SYTL2: variants seen among roughly 807,000 people sequenced by gnomAD.
SYTL2 encodes synaptotagmin-like protein 2.
In SYTL2, 165 loss-of-function variants were observed where a neutral mutation model predicts 198.7. The ratio of observed to expected loss-of-function variants is 0.83; its 90% CI spans 0.73 to 0.94. The LOEUF (loss-of-function observed/expected upper bound fraction) is 0.94, where lower values mean the gene tolerates loss of function less well. Ranked by LOEUF, SYTL2 falls within the 40% of genes least tolerant of loss-of-function variation. The probability of loss-of-function intolerance (pLI) is 0.00; values close to 1 mark genes in which losing one functional copy is unlikely to be tolerated. For synonymous variants in SYTL2, 966 were observed against 917.7 expected, an observed-to-expected ratio of 1.05 and a Z score of -0.95; for missense variants, 2,835 against 2,582.8, an observed-to-expected ratio of 1.10 and a Z score of -2.12.
chr11:85,713,812 T>C lies in SYTL2; in HGVS notation c.5625+601A>G, dbSNP rs528892244. ...TCTTAAGACCGTACAGTATATAGTATAGTCATTAACAGCAGGCAACTTGGA... is the reference window on the plus strand; with the variant it reads ...TCTTAAGACCGTACAGTATATAGTACAGTCATTAACAGCAGGCAACTTGGA... On this transcript the variant is annotated intron_variant, in intron 12 of 19. Coordinates refer to ENST00000359152, the MANE Select transcript of SYTL2 (RefSeq NM_206927.4). 4.6e-5 allele frequency among the ~76,000 whole-genome samples: 7 copies of C among 152,340 alleles called. No individual in the cohort carries two copies. The East Asian group carries it at 1.3e-3, about 29-fold the overall frequency.
upstream of SYTL2, among the ~76,000 whole-genome samples, chr11:85,813,011 G>A (rs754648427): frequency 6.6e-6 from 1 of 152,098 alleles, no homozygotes; most frequent in Admixed American, 6.5e-5. Context: ...GTATCATCTG[G>A]CATAGGACTT....
intron 16 of SYTL2, 84 bp downstream of exon 16, chr11:85,704,774 G>A: frequency 1.8e-6 from 2 of 1,125,994 alleles, no homozygotes; most frequent in Non-Finnish European, 2.6e-6. Context: ...TCTGTACTCT[G>A]AATTAAATGC....
chr11:85,701,374 G>C (rs777598410), intron 16 of SYTL2, among the ~76,000 whole-genome samples: 22 of 152,102 alleles, frequency 1.4e-4, no homozygotes, highest in Non-Finnish European at 3.2e-4. Context: ...AGCAGGTGTG[G>C]AATTTTCCAC....
At chr11:85,841,432 A>C in the SYTL2 span, among the ~76,000 whole-genome samples, 1 of 152,252 alleles carries the variant, frequency 6.6e-6, no homozygotes, top group African/African-American at 2.4e-5. Context: ...ATTACCATCA[A>C]TGGTAGACTG....
intron 1 of SYTL2, among the ~76,000 whole-genome samples, chr11:85,779,436 A>G (rs530119691): frequency 6.6e-6 from 1 of 152,336 alleles, no homozygotes; most frequent in Admixed American, 6.5e-5. Flanking sequence ...TATCATTCCT[A>G]TTTCACAAAA....
At chr11:85,698,142 A>T in intron 17 of SYTL2, 64 bp from the exon 18 acceptor site, 1 of 1,082,860 alleles carries the variant, frequency 9.2e-7, no homozygotes, top group Non-Finnish European at 1.4e-6. Flanking sequence ...CTGCGTCCAA[A>T]GATGTCAGCC....
At position 85,696,177 on chromosome 11, in the gene SYTL2, C is replaced by G. The variant is rs1036207962; in HGVS notation, c.6574+6G>C. 1.1e-5 allele frequency: 17 copies of G among 1,613,456 alleles called. No individual in the cohort carries two copies. Among genetic ancestry groups the G allele is most frequent in the Middle Eastern group, 1.6e-4 (1 of 6,080 alleles). On this transcript the variant is annotated splice_donor_region_variant and intron_variant, in intron 19 of 19. Transcript: ENST00000359152. ...CATGGAGAATTAAAAATGTAGCAAA[C>G]AGTACCTGTTCCAAAGCCAATACGA...
chr11:85,711,451 G>C (rs909073129), intron 12 of SYTL2, among the ~76,000 whole-genome samples: 1 of 152,112 alleles, frequency 6.6e-6, no homozygotes, highest in African/African-American at 2.4e-5. Context: ...CCAAAATAAC[G>C]AAGTGATTTC....
rs565996608 is a variant in SYTL2, at chr11:85,705,648, A to G, written c.6019-620T>C. Among the ~76,000 whole-genome samples the G allele has an allele frequency of 2.2e-4, 33 of 152,346 alleles. No homozygotes were observed. In the East Asian group the frequency reaches 5.8e-3, roughly 27 times the overall value. On this transcript the variant is annotated intron_variant, in intron 15 of 19. Coordinates refer to ENST00000359152, the MANE Select transcript of SYTL2 (RefSeq NM_206927.4). ...CAGTTTTTCATCTCAAATGTAGTCA[A>G]TCTTTAATTACATATAATCATGGAA...
intron 8 of SYTL2, 47 bp from the exon 9 acceptor site, chr11:85,721,006 A>T (rs1023420264): frequency 1.7e-6 from 2 of 1,195,432 alleles, no homozygotes; most frequent in Non-Finnish European, 2.5e-6. Context: ...CCAAAAAAAA[A>T]AAAAATCCTC....
chr11:85,821,291 T>C, the SYTL2 span, among the ~76,000 whole-genome samples: 7 of 152,336 alleles, frequency 4.6e-5, no homozygotes, highest in Admixed American at 4.6e-4. Flanking sequence ...GAGCATCTTA[T>C]AGATTCTAAA....
rs1345873240 is a variant in SYTL2 at position 85,726,781 on chromosome 11, T to G, written c.2577A>C (p.Leu859Phe). The change falls in exon 8 of 20, where the codon TTA (leucine) becomes TTC (phenylalanine). Residue 859 changes from leucine (L) to phenylalanine (F), a missense_variant. Leu to Phe is a conservative substitution (Grantham distance 22). Around this residue, in one of 3 missense-constraint regions of SYTL2, gnomAD observed 2,645 missense variants for 2,381.7 expected, o/e 1.11. Transcript: ENST00000359152. The part of the protein sequence containing the change: ...YNQAIPKRVV[L>F]DEDDQASQLS... ...GCTGGGATGCTTGATCATCCTCATCTAAGACCACTCGTTTGGGAATGGCCT... is the reference window on the plus strand; with the variant it reads ...GCTGGGATGCTTGATCATCCTCATCGAAGACCACTCGTTTGGGAATGGCCT... 1 of 1,536,228 alleles carries G rather than the reference T, an allele frequency of 6.5e-7. No individual in the cohort carries two copies. The highest frequency in any genetic ancestry group is 1.2e-5 in the South Asian group (1 of 84,070).
At chr11:85,808,883 AT>A (rs749981005) in intron 1 of SYTL2, among the ~76,000 whole-genome samples, 915 of 66,602 alleles carry the variant, frequency 0.014, 15 homozygotes, top group African/African-American at 0.059. Context: ...TTTCCTCTTA[AT>A]TTAAAAAAAA....
Position 85,724,889 on chromosome 11 carries a change from G to T in SYTL2, c.4469C>A (p.Pro1490His). Residue 1490 changes from proline to histidine, a missense_variant, in exon 8 of 20, where the codon CCC becomes CAC. By Grantham distance (77) the Pro-to-His change is moderately conservative. Around this residue, in one of 3 missense-constraint regions of SYTL2, gnomAD observed 2,645 missense variants for 2,381.7 expected, o/e 1.11. Coordinates refer to ENST00000359152, the MANE Select transcript of SYTL2 (RefSeq NM_206927.4). ...ACTGAATTCGAGGAACTCTGATTTG[G>T]GTTGAACAATTGTTTCCCTCACAAT... ...EEIVRETIVQ[P>H]KSEFLEFSAG... 1.2e-6 allele frequency: 2 copies of T among 1,614,106 alleles called. No homozygotes were observed. The highest frequency in any genetic ancestry group is 1.7e-6 in the Non-Finnish European group (2 of 1,180,004).
rs2083403090 is a variant in SYTL2 at position 85,696,340 on chromosome 11, A to G, written c.6417T>C (p.Ala2139=). 4 of 1,614,056 alleles carry G rather than the reference A, an allele frequency of 2.5e-6. No homozygotes were observed. The highest frequency in any genetic ancestry group is 3.4e-6 in the Non-Finnish European group (4 of 1,179,908). The change falls in exon 19 of 20, where the codon GCT becomes GCC. Residue 2139 remains alanine, a synonymous_variant. Transcript: ENST00000359152. ...TSRKSRQKTR[A]VGKTTNPIFN... ...AGATAGGGTTGGTGGTTTTCCCTAC[A>G]GCTCTTGTCTTCTGGCGACTTTTCC... is the stretch of plus-strand genomic sequence containing the variant.
intron 4 of SYTL2, among the ~76,000 whole-genome samples, chr11:85,743,133 T>G (rs1009663448): frequency 6.6e-5 from 10 of 152,232 alleles, no homozygotes; most frequent in Non-Finnish European, 1.5e-4. Context: ...CCCCAACTTC[T>G]GACTCCTGGC....
Position 85,695,189 on chromosome 11 carries a change from T to C in SYTL2, c.*6A>G, listed in dbSNP as rs756361652. On this transcript the variant is annotated 3_prime_UTR_variant, in exon 20 of 20. Coordinates refer to ENST00000359152, the MANE Select transcript of SYTL2 (RefSeq NM_206927.4). ...TTTTCAGTGGAGGAGCCAGTGGAAT[T>C]TGGGCTCATTTGGAAATCTTGGCAA... The C allele has an allele frequency of 1.9e-6, 3 of 1,609,692 alleles. No individual in the cohort carries two copies. Among genetic ancestry groups the C allele is most frequent in the South Asian group, 1.1e-5 (1 of 90,502 alleles).
chr11:85,734,468 G>A lies in SYTL2; in HGVS notation c.861C>T (p.Thr287=). The A allele has an allele frequency of 6.2e-7, 1 of 1,614,178 alleles. No homozygotes were observed. Among genetic ancestry groups the A allele is most frequent in the African/African-American group, 1.3e-5 (1 of 75,024 alleles). The change falls in exon 7 of 20, where the codon ACC becomes ACT. Residue 287 remains threonine (T), a synonymous_variant. Transcript: ENST00000359152. The part of the protein sequence containing the change: ...NSSSSSTDSE[T]LRYNHNFEPK... ...GTTCAAAGTTGTGATTATAACGAAG[G>A]GTTTCTGAGTCTGTGCTACTGGAAC... is the stretch of plus-strand genomic sequence containing the variant.
chr11:85,709,314 C>T lies in SYTL2; in HGVS notation c.5915+17G>A, dbSNP rs2085826890. On this transcript the variant is annotated intron_variant, in intron 14 of 19. Transcript: ENST00000359152. ...TGGAGAACTAAGAGAAGGTAGGTGA[C>T]TCTAAAATGTACTTACGGGTCTGAA... The T allele has an allele frequency of 3.1e-6, 5 of 1,613,106 alleles. No individual in the cohort carries two copies. In the East Asian group the frequency reaches 6.7e-5, roughly 22 times the overall value.
Sources: gnomAD v4.1 joint callset for allele counts (sites outside exome capture counted in the v4.1 genomes callset) on GRCh38, gnomAD v4.1.1 for gene constraint, gnomAD v4.1.1 regional missense constraint, MANE v1.5 for transcripts, NCBI Gene and HGNC (gene_info 2026-07-23, HGNC 2026-07-21) for gene names.